Variants in DLG2 observed in about 807,000 individuals in gnomAD.
DLG2 encodes disks large homolog 2.
Under a neutral mutation model 132.5 loss-of-function variants are expected in DLG2, and 45 were observed. The ratio of observed to expected loss-of-function variants is 0.34; its 90% confidence interval spans 0.27 to 0.44. The LOEUF (loss-of-function observed/expected upper bound fraction) is 0.44, where lower values mean the gene tolerates loss of function less well. DLG2 is among the 20% of genes least tolerant of loss of function. DLG2 has a pLI of 1.00. For synonymous variants in DLG2, 424 were observed against 419.6 expected (o/e 1.01, Z -0.13); for missense variants, 1,045 against 1,196.9 (o/e 0.87, Z 1.87).
At chr11:85,572,325 A>G (rs1406146191) in intron 3 of DLG2, among the ~76,000 whole-genome samples, 4 of 152,134 alleles carry the variant, frequency 2.6e-5, no homozygotes, top group Non-Finnish European at 4.4e-5. Flanking sequence ...TGTTGTTGCA[A>G]GGCTTATCAA....
rs1046325677 is a variant in DLG2 at position 84,109,948 on chromosome 11, C to T, written c.625-10901G>A. Among the ~76,000 whole-genome samples, 2 of 152,230 alleles carry T rather than the reference C, an allele frequency of 1.3e-5. 1 individual carries two copies. Among genetic ancestry groups the T allele is most frequent in the Middle Eastern group, 6.8e-3 (2 of 294 alleles). ...AAAACTCAAATCTTGTTGATTCTACCCCTGAAATACCCCTCAAATCCATCC... is the reference window on the plus strand; with the variant it reads ...AAAACTCAAATCTTGTTGATTCTACTCCTGAAATACCCCTCAAATCCATCC... On this transcript the variant is annotated intron_variant, in intron 9 of 27. Coordinates refer to ENST00000376104, the MANE Select transcript of DLG2 (RefSeq NM_001142699.3).
At chr11:85,082,483 G>C (rs1275622918) in intron 6 of DLG2, among the ~76,000 whole-genome samples, 1 of 152,046 alleles carries the variant, frequency 6.6e-6, no homozygotes, top group Admixed American at 6.6e-5. Flanking sequence ...GACGTGAGAA[G>C]AATCTCCCCA....
At chr11:83,879,349 T>C (rs1478122180) in intron 15 of DLG2, among the ~76,000 whole-genome samples, 1 of 152,188 alleles carries the variant, frequency 6.6e-6, no homozygotes, top group African/African-American at 2.4e-5. Flanking sequence ...GTCACATTCA[T>C]CATTAACATA....
At chr11:85,487,579 A>C (rs1448410974) in intron 3 of DLG2, among the ~76,000 whole-genome samples, 1 of 152,014 alleles carries the variant, frequency 6.6e-6, no homozygotes, top group Non-Finnish European at 1.5e-5. Flanking sequence ...AGCAGAAGAA[A>C]CAATTTCATA....
intron 11 of DLG2, among the ~76,000 whole-genome samples, chr11:84,046,861 A>G (rs1199702322): frequency 6.6e-6 from 1 of 151,652 alleles, no homozygotes; most frequent in African/African-American, 2.4e-5. Flanking sequence ...TAAAGTACCC[A>G]AAGTATCTAT....
chr11:84,097,516 A>G (rs1418556714), intron 10 of DLG2, among the ~76,000 whole-genome samples: 1 of 152,168 alleles, frequency 6.6e-6, no homozygotes, highest in Admixed American at 6.5e-5. Context: ...TTCTGTATTC[A>G]GAGTTAAGAC....
At chr11:85,364,339 G>A (rs1596542148) in intron 3 of DLG2, among the ~76,000 whole-genome samples, 3 of 152,152 alleles carry the variant, frequency 2.0e-5, no homozygotes, top group South Asian at 4.1e-4. Context: ...CCAGTATGCA[G>A]AGCAGACTGG....
At chr11:83,731,158 A>T (rs1407587089) in intron 18 of DLG2, among the ~76,000 whole-genome samples, 1 of 152,174 alleles carries the variant, frequency 6.6e-6, no homozygotes, top group African/African-American at 2.4e-5. Flanking sequence ...CAGAGAAACA[A>T]GTGCAGAATG....
At chr11:83,761,180 G>A (rs1290794355) in intron 18 of DLG2, among the ~76,000 whole-genome samples, 1 of 152,106 alleles carries the variant, frequency 6.6e-6, no homozygotes, top group African/African-American at 2.4e-5. Flanking sequence ...AGTGAGAATG[G>A]GCATTTATTT....
At chr11:84,491,332 A>T (rs2099164585) in intron 7 of DLG2, among the ~76,000 whole-genome samples, 1 of 152,022 alleles carries the variant, frequency 6.6e-6, no homozygotes, top group Non-Finnish European at 1.5e-5. Context: ...TTTCCTGCAC[A>T]AACTCTATTT....
rs774788940 is a variant in DLG2 at position 85,286,174 on chromosome 11, T to C, written c.41-809A>G. On this transcript the variant is annotated intron_variant, in intron 3 of 27. Transcript: ENST00000376104. The stretch of plus-strand genomic sequence containing the variant: ...TACAAAAGCATCATACTCTAGTTGG[T>C]AAACTTGTGTCCTGTTGGGTACAGA... The C allele has an allele frequency of 1.4e-5, 6 of 427,842 alleles. No homozygotes were observed. The East Asian group carries it at 3.6e-4, about 26-fold the overall frequency. 26.5% of individuals were successfully genotyped at this position (427,842 alleles called of 1,614,324 possible).
At chr11:84,814,463 T>C (rs992537373) in intron 6 of DLG2, among the ~76,000 whole-genome samples, 1 of 152,080 alleles carries the variant, frequency 6.6e-6, no homozygotes, top group African/African-American at 2.4e-5. Flanking sequence ...CGCAAGCCCA[T>C]AGGGCATGGC....
chr11:85,481,965 C>A (rs1286932413), intron 3 of DLG2, among the ~76,000 whole-genome samples: 2 of 152,100 alleles, frequency 1.3e-5, no homozygotes, highest in African/African-American at 4.8e-5. Flanking sequence ...GTCTACAGAG[C>A]AAATTTGAGC....
intron 8 of DLG2, among the ~76,000 whole-genome samples, chr11:84,189,789 T>A (rs2096366250): frequency 6.6e-6 from 1 of 151,946 alleles, no homozygotes; most frequent in African/African-American, 2.4e-5. Context: ...CATGGATACA[T>A]CATGGTGAAA....
At chr11:83,889,170 A>G (rs1208337391) in intron 15 of DLG2, among the ~76,000 whole-genome samples, 1 of 152,134 alleles carries the variant, frequency 6.6e-6, no homozygotes, top group Non-Finnish European at 1.5e-5. Flanking sequence ...TGAACAGGAA[A>G]CCTACAAAAT....
At chr11:83,687,177 G>A (rs2153610225) in intron 18 of DLG2, among the ~76,000 whole-genome samples, 1 of 152,242 alleles carries the variant, frequency 6.6e-6, no homozygotes, top group South Asian at 2.1e-4. Context: ...TCAGACTTCT[G>A]GTCTCCAAAA....
At chr11:84,285,399 C>G (rs2097899531) in intron 7 of DLG2, among the ~76,000 whole-genome samples, 1 of 152,192 alleles carries the variant, frequency 6.6e-6, no homozygotes, top group Non-Finnish European at 1.5e-5. Context: ...TTCTCTGTGA[C>G]CTAGCCCCAC....
chr11:85,106,353 T>TCC (rs2071750197), intron 6 of DLG2, among the ~76,000 whole-genome samples: 1 of 152,000 alleles, frequency 6.6e-6, no homozygotes, highest in South Asian at 2.1e-4. Context: ...GACACTCCTA[T>TCC]GTCATCGGTT....
At chr11:85,099,747 T>C (rs943575669) in intron 6 of DLG2, among the ~76,000 whole-genome samples, 1 of 152,134 alleles carries the variant, frequency 6.6e-6, no homozygotes, top group East Asian at 1.9e-4. Flanking sequence ...TTAAGAGCAC[T>C]TGATGATGTC....
Sources: gnomAD v4.1 joint callset for allele counts (sites outside exome capture counted in the v4.1 genomes callset) on GRCh38, gnomAD v4.1.1 for gene constraint, MANE v1.5 for transcripts, NCBI Gene and HGNC (gene_info 2026-07-23, HGNC 2026-07-21) for gene names.